ZNF124: variants seen among roughly 807,000 people sequenced by gnomAD.
The protein encoded by ZNF124 is zinc finger protein 124, also known as zinc finger protein HZF-16.
Under a neutral mutation model 26.6 loss-of-function variants are expected in ZNF124, and 25 were observed. The observed-to-expected ratio is 0.94, with a 90% CI of 0.68 to 1.31. The LOEUF is 1.31. ZNF124 is among the 40% of genes most tolerant of loss of function. The pLI, the probability that ZNF124 is intolerant of heterozygous loss-of-function variation, is 0.00. For missense variants in ZNF124, 444 were observed against 422.2 expected (o/e 1.05, Z -0.45); for synonymous variants, 129 against 133.3 (o/e 0.97, Z 0.22).
At chr1:247,148,143 G>C (rs1055992410) in intron 3 of ZNF124, among the ~76,000 whole-genome samples, 1 of 152,178 alleles carries the variant, frequency 6.6e-6, no homozygotes, top group Non-Finnish European at 1.5e-5. Context: ...ACTTTGGCTA[G>C]GAGAATGAAC....
intron 3 of ZNF124, among the ~76,000 whole-genome samples, chr1:247,137,938 TAA>T (rs1485578844): frequency 6.6e-6 from 1 of 152,112 alleles, no homozygotes; most frequent in Non-Finnish European, 1.5e-5. Flanking sequence ...TGGTGATTAT[TAA>T]AAAGTCAGGA....
intron 1 of ZNF124, 26 bp from the exon 2 acceptor site, chr1:247,159,839 G>A: frequency 6.3e-7 from 1 of 1,595,546 alleles, no homozygotes; most frequent in Non-Finnish European, 8.5e-7. Context: ...TTTTTGTAGA[G>A]GATGGATGAG....
intron 1 of ZNF124, among the ~76,000 whole-genome samples, chr1:247,163,862 C>A (rs564016466): frequency 1.3e-5 from 2 of 152,168 alleles, no homozygotes; most frequent in African/African-American, 4.8e-5. Context: ...GGCCAATATC[C>A]TTGATGAACA....
At chr1:247,150,071 C>G (rs922599303), downstream of ZNF124, 1 of 152,122 alleles carries the variant, frequency 6.6e-6, no homozygotes, top group African/African-American at 2.4e-5. Context: ...CTCCTAAAGG[C>G]CCCCACCTGT....
chr1:247,157,695 G>A (rs1311490315), intron 3 of ZNF124, among the ~76,000 whole-genome samples: 1 of 152,078 alleles, frequency 6.6e-6, no homozygotes, highest in Non-Finnish European at 1.5e-5. Context: ...AACATAAATG[G>A]ATTGATTAGT....
rs200778601 is a variant in ZNF124 at position 247,124,970 on chromosome 1, T to A, written c.219-1099A>T. On this transcript the variant is annotated intron_variant, in intron 3 of 3. Coordinates refer to the ZNF124 transcript ENST00000472531. ...ACACCGCCATGCCCGGCTATTTTTT[T>A]ATTTTTTTGCATTTTTAGTACAGAC... 1.3e-4 allele frequency among the ~76,000 whole-genome samples: 20 copies of A among 152,242 alleles called. No homozygotes were observed. In the East Asian group the frequency reaches 1.9e-3, roughly 15 times the overall value.
chr1:247,157,200 T>C lies in ZNF124; in HGVS notation c.422A>G (p.Gln141Arg), dbSNP rs769113782. The change falls in exon 4 of 4, where the codon CAG (glutamine) becomes CGG (arginine). Residue 141 changes from glutamine (Q) to arginine (R), a missense_variant. Gln to Arg is a conservative substitution (Grantham distance 43, BLOSUM62 1). Transcript: ENST00000543802. ...FNIPSSFQIH[Q>R]RNHTGEKPYE... ...GGGTTTCTCTCCAGTGTGATTTCTC[T>C]GATGTATCTGAAATGAACTGGGAAT... is the stretch of plus-strand genomic sequence containing the variant. 2 of 1,614,026 alleles carry C rather than the reference T, an allele frequency of 1.2e-6. No individual in the cohort carries two copies. Among genetic ancestry groups the C allele is most frequent in the Non-Finnish European group, 1.7e-6 (2 of 1,179,954 alleles).
At chr1:247,125,556 T>C (rs1365843006) in intron 3 of ZNF124, among the ~76,000 whole-genome samples, 2 of 147,690 alleles carry the variant, frequency 1.4e-5, no homozygotes, top group Non-Finnish European at 3.0e-5. Context: ...CTCAGCATCC[T>C]GAGTAGCTGG....
At chr1:247,161,492 T>C (rs1223007339) in intron 1 of ZNF124, among the ~76,000 whole-genome samples, 3 of 152,026 alleles carry the variant, frequency 2.0e-5, no homozygotes, top group Non-Finnish European at 4.4e-5. Context: ...TTTTTTGACA[T>C]ATGAATAGGA....
rs1216260162 is a variant in ZNF124, at chr1:247,155,989, C to A, written c.*577G>T. ...TTTATTTATAGCTCCTAAAACATCTCATTCACATAGTGAATTTTCTTGAGA... is the reference window on the plus strand; with the variant it reads ...TTTATTTATAGCTCCTAAAACATCTAATTCACATAGTGAATTTTCTTGAGA... On this transcript the variant is annotated 3_prime_UTR_variant, in exon 4 of 4. Transcript: ENST00000543802. 1.1e-6 allele frequency: 1 copy of A among 938,514 alleles called. No homozygotes were observed. Among genetic ancestry groups the A allele is most frequent in the Non-Finnish European group, 1.3e-6 (1 of 787,790 alleles). The allele number at this position is 938,514 out of a possible 1,614,324, so 58.1% of individuals were successfully genotyped here.
chr1:247,165,331 A>G (rs1471550548), intron 1 of ZNF124, among the ~76,000 whole-genome samples: 1 of 152,228 alleles, frequency 6.6e-6, no homozygotes, highest in African/African-American at 2.4e-5. Flanking sequence ...TATTCGATAA[A>G]TGGTGCTAGG....
downstream of ZNF124, among the ~76,000 whole-genome samples, chr1:247,154,193 C>T (rs768837463): frequency 2.6e-5 from 4 of 152,170 alleles, no homozygotes; most frequent in South Asian, 2.1e-4. Context: ...ATAATTCCCA[C>T]GTGTCAAGGG....
intron 3 of ZNF124, among the ~76,000 whole-genome samples, chr1:247,149,264 C>T (rs1394620312): frequency 1.3e-5 from 2 of 152,138 alleles, no homozygotes; most frequent in African/African-American, 4.8e-5. Flanking sequence ...AATATTGATA[C>T]AGCCATTATA....
intron 1 of ZNF124, among the ~76,000 whole-genome samples, chr1:247,167,044 A>G (rs894505119): frequency 6.6e-6 from 1 of 152,242 alleles, no homozygotes; most frequent in Admixed American, 6.5e-5. Context: ...TATCGTAGCT[A>G]TTGCAACGGA....
chr1:247,170,597 T>C (rs1674052098), intron 1 of ZNF124, among the ~76,000 whole-genome samples: 1 of 144,256 alleles, frequency 6.9e-6, no homozygotes, highest in Non-Finnish European at 1.5e-5. Flanking sequence ...AGGGCTTCAT[T>C]CTGCCGGAAG....
At chr1:247,143,792 C>G (rs1190470488) in intron 3 of ZNF124, among the ~76,000 whole-genome samples, 1 of 152,196 alleles carries the variant, frequency 6.6e-6, no homozygotes, top group Non-Finnish European at 1.5e-5. Context: ...TGGAGGAGCA[C>G]TAGCTCACAG....
intron 1 of ZNF124, among the ~76,000 whole-genome samples, chr1:247,164,858 T>C (rs571177469): frequency 2.0e-5 from 3 of 152,310 alleles, no homozygotes; most frequent in African/African-American, 4.8e-5. Context: ...CTTCAAACTA[T>C]ACTACAAAGC....
intron 3 of ZNF124, among the ~76,000 whole-genome samples, chr1:247,141,917 C>T (rs1200099685): frequency 2.0e-5 from 3 of 152,178 alleles, no homozygotes; most frequent in African/African-American, 7.2e-5. Context: ...TCTCTGCTGA[C>T]CTGGGAGCAG....
At chr1:247,137,573 C>T (rs907546499) in intron 3 of ZNF124, among the ~76,000 whole-genome samples, 5 of 150,720 alleles carry the variant, frequency 3.3e-5, no homozygotes, top group African/African-American at 1.2e-4. Flanking sequence ...GCAAAAATGC[C>T]GACAGCAATT....
Sources: allele counts gnomAD v4.1 joint callset (sites outside exome capture counted in the v4.1 genomes callset), GRCh38; gene constraint gnomAD v4.1.1; transcripts MANE v1.5; gene names NCBI Gene and HGNC (gene_info 2026-07-23, HGNC 2026-07-21).